Variants in SYT13 observed in about 807,000 individuals in gnomAD.
SYT13 encodes synaptotagmin 13, also known as synaptotagmin-13.
SYT13 carries 21 observed loss-of-function variants against 38.6 expected under a neutral mutation model. The ratio of observed to expected loss-of-function variants is 0.54; its 90% CI spans 0.39 to 0.78. The LOEUF (loss-of-function observed/expected upper bound fraction) is 0.78. Ranked by LOEUF, SYT13 falls within the 30% of genes least tolerant of loss-of-function variation. The pLI is 0.00. For synonymous variants in SYT13, 241 were observed against 237.6 expected (o/e 1.01, Z -0.13); for missense variants, 495 against 548.7 (o/e 0.90, Z 0.98).
At chr11:45,260,505 G>A (rs184877608) in intron 1 of SYT13, among the ~76,000 whole-genome samples, 3 of 152,192 alleles carry the variant, frequency 2.0e-5, no homozygotes, top group African/African-American at 7.2e-5. Context: ...GGTGCTCAGG[G>A]TAGCAGGGCC....
At chr11:45,249,996 A>T (rs891309934) in intron 4 of SYT13, among the ~76,000 whole-genome samples, 1 of 152,204 alleles carries the variant, frequency 6.6e-6, no homozygotes, top group African/African-American at 2.4e-5. Context: ...AGAACTGGGC[A>T]CCGTGGGCAA....
At chr11:45,274,858 T>C (rs1319846372) in intron 1 of SYT13, among the ~76,000 whole-genome samples, 1 of 152,214 alleles carries the variant, frequency 6.6e-6, no homozygotes, top group Non-Finnish European at 1.5e-5. Flanking sequence ...TATAATGCTC[T>C]TCCAAATAAA....
intron 5 of SYT13, among the ~76,000 whole-genome samples, chr11:45,245,610 C>T (rs34074764): frequency 0.062 from 9,375 of 152,270 alleles, 381 homozygotes; most frequent in Non-Finnish European, 0.094. Context: ...TCTTGCTAGG[C>T]GCATGTGGCT....
intron 1 of SYT13, among the ~76,000 whole-genome samples, chr11:45,256,690 T>G (rs1854751462): frequency 6.6e-6 from 1 of 152,224 alleles, no homozygotes. Context: ...GTGAGATCTA[T>G]GAGCACAGGA....
intron 4 of SYT13, among the ~76,000 whole-genome samples, chr11:45,251,991 A>C (rs1046783960): frequency 1.3e-5 from 2 of 152,194 alleles, no homozygotes; most frequent in African/African-American, 2.4e-5. Flanking sequence ...TTTGTCCCCT[A>C]GTCTGTACAC....
At chr11:45,266,630 A>G (rs538389507) in intron 1 of SYT13, among the ~76,000 whole-genome samples, 1 of 152,296 alleles carries the variant, frequency 6.6e-6, no homozygotes, top group South Asian at 2.1e-4. Context: ...TTTTGCCTCC[A>G]GAGAAGGACC....
At position 45,273,156 on chromosome 11, in the gene SYT13, C is replaced by T. The variant is rs144919600; in HGVS notation, c.183+12869G>A. Among the ~76,000 whole-genome samples the T allele has an allele frequency of 5.3e-5, 8 of 152,174 alleles. No homozygotes were observed. The East Asian group carries it at 5.8e-4, about 11-fold the overall frequency. On this transcript the variant is annotated intron_variant, in intron 1 of 5. Transcript: ENST00000020926. Reference sequence around the variant, plus strand: ...GGTTAAGGAAAGCAACAAGGAATGGCGAGTATGTAGGGACTGGGAGAGCTG... The same window carrying T: ...GGTTAAGGAAAGCAACAAGGAATGGTGAGTATGTAGGGACTGGGAGAGCTG...
chr11:45,254,155 G>T (rs1414493720), intron 3 of SYT13, 115 bp downstream of exon 3: 5 of 1,218,520 alleles, frequency 4.1e-6, no homozygotes, highest in African/African-American at 3.1e-5. Context: ...GGGTCTGGTT[G>T]TTAGAGTCCT....
intron 1 of SYT13, among the ~76,000 whole-genome samples, chr11:45,259,164 C>T (rs1402461349): frequency 6.6e-6 from 1 of 152,170 alleles, no homozygotes; most frequent in African/African-American, 2.4e-5. Flanking sequence ...ACTGCCACTC[C>T]CTCCCATTCA....
chr11:45,261,907 C>A (rs1263452748), intron 1 of SYT13, among the ~76,000 whole-genome samples: 7 of 139,506 alleles, frequency 5.0e-5, no homozygotes, highest in Admixed American at 4.4e-4. Flanking sequence ...CAGAGCAAGA[C>A]CTTGTCTCAA....
At chr11:45,269,019 T>A (rs1052282354) in intron 1 of SYT13, among the ~76,000 whole-genome samples, 2 of 151,530 alleles carry the variant, frequency 1.3e-5, no homozygotes, top group Admixed American at 6.6e-5. Context: ...CCAGGCAGAG[T>A]CTGTAGAAGC....
rs76918925 is a variant in SYT13, at chr11:45,257,937, A to G, written c.184-2046T>C. On this transcript the variant is annotated intron_variant, in intron 1 of 5. Transcript: ENST00000020926. ...GCTTACCCCTCTTGTACAGATAAGGAAACTGAGGCTCGGAGAGATAAGAAA... is the reference window on the plus strand; with the variant it reads ...GCTTACCCCTCTTGTACAGATAAGGGAACTGAGGCTCGGAGAGATAAGAAA... 5.8e-3 allele frequency among the ~76,000 whole-genome samples: 882 copies of G among 152,358 alleles called. 7 individuals carry two copies. Among genetic ancestry groups the G allele is most frequent in the African/African-American group, 0.02 (823 of 41,584 alleles).
chr11:45,254,194 A>T, intron 3 of SYT13, 76 bp downstream of exon 3: 3 of 1,485,832 alleles, frequency 2.0e-6, no homozygotes, highest in Non-Finnish European at 2.7e-6. Context: ...GCTGCAGATG[A>T]TCCCATCCTG....
chr11:45,272,041 T>C (rs1854955842), intron 1 of SYT13, among the ~76,000 whole-genome samples: 1 of 152,198 alleles, frequency 6.6e-6, no homozygotes, highest in Non-Finnish European at 1.5e-5. Flanking sequence ...TCATGTCCTT[T>C]GCAGGGACGT....
At chr11:45,278,540 C>T (rs1855035750) in intron 1 of SYT13, among the ~76,000 whole-genome samples, 1 of 152,106 alleles carries the variant, frequency 6.6e-6, no homozygotes, top group Non-Finnish European at 1.5e-5. Flanking sequence ...CCAATGGCCT[C>T]TCTATCCCTC....
At chr11:45,254,643 C>T (rs980175757) in intron 2 of SYT13, 7 of 439,978 alleles carry the variant, frequency 1.6e-5, no homozygotes, top group Non-Finnish European at 2.4e-5. Context: ...GACTACACAA[C>T]AATCTACTCT....
At chr11:45,263,622 T>C (rs570357806) in intron 1 of SYT13, among the ~76,000 whole-genome samples, 18 of 152,312 alleles carry the variant, frequency 1.2e-4, no homozygotes, top group Admixed American at 1.0e-3. Context: ...GGGTCTATAG[T>C]ATAGCTAAGC....
At chr11:45,258,905 CAT>C (rs1201115166) in intron 1 of SYT13, among the ~76,000 whole-genome samples, 5 of 152,200 alleles carry the variant, frequency 3.3e-5, no homozygotes, top group Non-Finnish European at 7.3e-5. Flanking sequence ...TTCAATATCT[CAT>C]ATAACTCTGT....
Position 45,286,245 on chromosome 11 carries a change from G to A in SYT13, c.-38C>T, listed in dbSNP as rs1565402722. On this transcript the variant is annotated 5_prime_UTR_variant, in exon 1 of 6. Transcript: ENST00000020926. The stretch of plus-strand genomic sequence containing the variant: ...CGGCGAGGGGCTGGGTCCCGCAGCC[G>A]CTCACCTTCCCCGGGCCGGGCCCGC... 2.0e-6 allele frequency: 3 copies of A among 1,495,318 alleles called. No homozygotes were observed. The highest frequency in any genetic ancestry group is 2.1e-5 in the Admixed American group (1 of 48,344). The allele number at this position is 1,495,318 out of a possible 1,614,324, so 92.6% of individuals were successfully genotyped here.
Sources: gnomAD v4.1 joint callset for allele counts (sites outside exome capture counted in the v4.1 genomes callset) on GRCh38, gnomAD v4.1.1 for gene constraint, MANE v1.5 for transcripts, NCBI Gene and HGNC (gene_info 2026-07-23, HGNC 2026-07-21) for gene names.